The following PCDHA12 variants were observed in gnomAD, a reference collection of about 807,000 sequenced individuals.
PCDHA12 encodes the protein protocadherin alpha-12.
In PCDHA12, 44 loss-of-function variants were observed where a neutral mutation model predicts 60.0. The observed-to-expected ratio is 0.73, with a 90% CI of 0.58 to 0.94. PCDHA12 has a LOEUF of 0.94. Among genes scored for constraint, PCDHA12 ranks in the 40% least tolerant of loss-of-function variants. The pLI is 0.00. For missense variants in PCDHA12, 1,276 were observed against 1,239.7 expected (o/e 1.03, Z -0.44); for synonymous variants, 569 against 553.0 (o/e 1.03, Z -0.40).
At chr5:140,938,947 A>AT (rs1554212493) in intron 1 of PCDHA12, among the ~76,000 whole-genome samples, 1 of 152,094 alleles carries the variant, frequency 6.6e-6, no homozygotes, top group Non-Finnish European at 1.5e-5. Flanking sequence ...CATTCTTATA[A>AT]TGCTCTAGTC....
intron 1 of PCDHA12, among the ~76,000 whole-genome samples, chr5:140,880,091 C>A (rs925970617): frequency 6.6e-6 from 1 of 152,106 alleles, no homozygotes; most frequent in African/African-American, 2.4e-5. Context: ...TTATAGTAGG[C>A]TTAAAATCAT....
At chr5:140,914,807 A>G (rs929659841) in intron 1 of PCDHA12, among the ~76,000 whole-genome samples, 2 of 152,330 alleles carry the variant, frequency 1.3e-5, no homozygotes, top group Middle Eastern at 3.4e-3. Context: ...ACTGATGGCA[A>G]CTTAACAGAC....
chr5:140,976,897 T>C (rs2096736712), intron 1 of PCDHA12, among the ~76,000 whole-genome samples: 1 of 152,220 alleles, frequency 6.6e-6, no homozygotes, highest in Admixed American at 6.5e-5. Flanking sequence ...CATGCAACAG[T>C]ATGTAATAAA....
chr5:140,884,002 C>A (rs1189374158), intron 1 of PCDHA12: 1 of 1,612,906 alleles, frequency 6.2e-7, no homozygotes, highest in Admixed American at 1.7e-5. Flanking sequence ...GCACAGTGAG[C>A]GAGCTGATGC....
intron 3 of PCDHA12, among the ~76,000 whole-genome samples, chr5:141,003,398 G>A (rs1282074480): frequency 1.3e-5 from 2 of 152,114 alleles, no homozygotes; most frequent in African/African-American, 4.8e-5. Flanking sequence ...TGAAACCTCC[G>A]CCTCCCGGGT....
chr5:140,941,701 C>T (rs1312324595), intron 1 of PCDHA12, among the ~76,000 whole-genome samples: 3 of 152,142 alleles, frequency 2.0e-5, no homozygotes, highest in Non-Finnish European at 4.4e-5. Context: ...TTGGGCTTAG[C>T]TTTCCTCCAC....
chr5:140,966,355 G>C (rs2095993623), intron 1 of PCDHA12: 1 of 400,198 alleles, frequency 2.5e-6, no homozygotes, highest in Non-Finnish European at 4.4e-6. Context: ...AGGAGATGGG[G>C]CTGGAGAGGC....
intron 2 of PCDHA12, among the ~76,000 whole-genome samples, chr5:140,979,979 T>C (rs1007546118): frequency 6.6e-6 from 1 of 152,194 alleles, no homozygotes; most frequent in African/African-American, 2.4e-5. Flanking sequence ...ATGCATTAGA[T>C]TGAAATAAAT....
Position 140,967,000 on chromosome 5 carries a change from C to T in PCDHA12, c.2368-11949C>T, listed in dbSNP as rs544624379. The T allele has an allele frequency of 6.1e-5, 98 of 1,604,962 alleles. No individual in the cohort carries two copies. The East Asian group carries it at 2.1e-3, about 35-fold the overall frequency. ...GGCGCTTGGGGCCGGGTTGCTTGCG[C>T]ATCAACCATCTGGGTGCGCCCAGTC... On this transcript the variant is annotated intron_variant, in intron 1 of 3. Coordinates refer to ENST00000398631, the MANE Select transcript of PCDHA12 (RefSeq NM_018903.4).
At chr5:140,917,370 C>T (rs571895312) in intron 1 of PCDHA12, among the ~76,000 whole-genome samples, 1 of 150,338 alleles carries the variant, frequency 6.7e-6, no homozygotes, top group Non-Finnish European at 1.5e-5. Context: ...CTATCTTGCT[C>T]CACCTCAATA....
chr5:140,996,365 T>C (rs1017086317), intron 3 of PCDHA12, among the ~76,000 whole-genome samples: 4 of 152,196 alleles, frequency 2.6e-5, no homozygotes, highest in African/African-American at 9.7e-5. Context: ...GAAGCCATTT[T>C]GTTGTCGGCT....
intron 1 of PCDHA12, among the ~76,000 whole-genome samples, chr5:140,923,800 T>C (rs1235494729): frequency 2.0e-5 from 3 of 152,178 alleles, no homozygotes; most frequent in Non-Finnish European, 4.4e-5. Flanking sequence ...TTTTCACAAA[T>C]GAAATCTTCT....
chr5:140,914,022 C>T (rs1157309436), intron 1 of PCDHA12, among the ~76,000 whole-genome samples: 2 of 152,134 alleles, frequency 1.3e-5, no homozygotes, highest in African/African-American at 2.4e-5. Context: ...GAATGATCCA[C>T]GTGCTGAGAA....
intron 1 of PCDHA12, among the ~76,000 whole-genome samples, chr5:140,949,916 A>G (rs1350647225): frequency 6.6e-6 from 1 of 150,834 alleles, no homozygotes; most frequent in African/African-American, 2.4e-5. Flanking sequence ...AGATATAACT[A>G]TTTTTAGATT....
At chr5:140,903,845 C>T (rs2070659171) in intron 1 of PCDHA12, among the ~76,000 whole-genome samples, 1 of 152,006 alleles carries the variant, frequency 6.6e-6, no homozygotes, top group Admixed American at 6.6e-5. Context: ...TTTCATTTAT[C>T]TTAACAAATA....
chr5:140,902,666 C>A (rs1554190555), intron 1 of PCDHA12, among the ~76,000 whole-genome samples: 1 of 152,122 alleles, frequency 6.6e-6, no homozygotes, highest in Non-Finnish European at 1.5e-5. Context: ...GTCACCCAAG[C>A]AGTGTACACC....
At chr5:140,938,336 A>G (rs1251086891) in intron 1 of PCDHA12, among the ~76,000 whole-genome samples, 1 of 152,204 alleles carries the variant, frequency 6.6e-6, no homozygotes, top group African/African-American at 2.4e-5. Context: ...ATGTTAATGG[A>G]TAATCTTGTC....
chr5:140,876,714 CCGCGAGAG>C lies in PCDHA12; in HGVS notation c.1245_1252del (p.Glu416ValfsTer4). The C allele has an allele frequency of 6.2e-7, 1 of 1,614,230 alleles. No individual in the cohort carries two copies. Among genetic ancestry groups the C allele is most frequent in the East Asian group, 2.2e-5 (1 of 44,888 alleles). ...CGTTGGTGCTGGACAGCGCCCTGGA[CCGCGAGAG>C]CGTGTCGGCCTATGAGCTGGTGGTG... On this transcript the variant is annotated frameshift_variant, in exon 1 of 4. Coordinates refer to ENST00000398631, the MANE Select transcript of PCDHA12 (RefSeq NM_018903.4). LOFTEE classifies it high-confidence loss of function.
intron 1 of PCDHA12, chr5:140,969,240 C>T: frequency 6.2e-7 from 1 of 1,614,198 alleles, no homozygotes; most frequent in South Asian, 1.1e-5. Context: ...GCCCAAGCAG[C>T]AGTGACTGAC....
Sources: gnomAD v4.1 joint callset for allele counts (sites outside exome capture counted in the v4.1 genomes callset) on GRCh38, gnomAD v4.1.1 for gene constraint, MANE v1.5 for transcripts, NCBI Gene and HGNC (gene_info 2026-07-23, HGNC 2026-07-21) for gene names.